Variants in VPS54 observed in about 807,000 individuals in gnomAD.
VPS54 encodes the protein vacuolar protein sorting-associated protein 54.
A neutral mutation model predicts 121.5 loss-of-function variants in VPS54; 45 were observed. That is an observed-to-expected ratio of 0.37 (90% CI 0.29 to 0.47). VPS54 has a LOEUF of 0.47. Among genes scored for constraint, VPS54 ranks in the 20% least tolerant of loss-of-function variants. VPS54 has a pLI of 0.99. For missense variants in VPS54, 1,090 were observed against 1,131.4 expected (o/e 0.96, Z 0.52); for synonymous variants, 371 against 385.8 (o/e 0.96, Z 0.45).
intron 1 of VPS54, among the ~76,000 whole-genome samples, chr2:63,990,462 A>T (rs1410573471): frequency 6.6e-6 from 1 of 150,718 alleles, no homozygotes; most frequent in East Asian, 1.9e-4. Context: ...TCAGCCCCTC[A>T]CTCTCCTGTC....
intron 7 of VPS54, among the ~76,000 whole-genome samples, chr2:63,950,221 C>T (rs1675174702): frequency 6.6e-6 from 1 of 152,174 alleles, no homozygotes. Flanking sequence ...ATGGTCTTCA[C>T]AACTTTTTCT....
Position 64,013,643 on chromosome 2 carries a change from AAT to A in VPS54, c.-21+5293_-21+5294del, listed in dbSNP as rs1157389421. On this transcript the variant is annotated intron_variant, in intron 1 of 22. Transcript: ENST00000272322. ...CAGCATTTATATATAAATATATATCAATATATAGATATATATTGATATATATA... is the reference window on the plus strand; with the variant it reads ...CAGCATTTATATATAAATATATATCAATATAGATATATATTGATATATATA... 8.2e-5 allele frequency among the ~76,000 whole-genome samples: 12 copies of A among 145,598 alleles called. 1 individual carries two copies. The highest frequency in any genetic ancestry group is 4.2e-4 in the Admixed American group (6 of 14,396).
intron 20 of VPS54, among the ~76,000 whole-genome samples, chr2:63,906,590 T>C (rs1256607278): frequency 6.6e-6 from 1 of 152,184 alleles, no homozygotes; most frequent in African/African-American, 2.4e-5. Flanking sequence ...CACTGGTTTG[T>C]AGTATTTGTT....
intron 4 of VPS54, among the ~76,000 whole-genome samples, chr2:63,971,885 C>A (rs1487312481): frequency 1.3e-5 from 2 of 152,186 alleles, no homozygotes; most frequent in Non-Finnish European, 2.9e-5. Flanking sequence ...GGACTACACA[C>A]ATGTGCCATC....
intron 17 of VPS54, chr2:63,913,889 G>GT: frequency 8.8e-7 from 1 of 1,140,484 alleles, no homozygotes. Flanking sequence ...GCCAGTCCAG[G>GT]TTTTTTGACC....
chr2:63,911,092 C>T (rs199539652), intron 20 of VPS54, among the ~76,000 whole-genome samples: 3,015 of 152,056 alleles, frequency 0.02, 30 homozygotes, highest in East Asian at 0.034. Flanking sequence ...AGTCTTCTAA[C>T]CTTGTTAGAT....
rs776341240 is a variant in VPS54 at position 63,921,255 on chromosome 2, G to A, written c.1820C>T (p.Ser607Leu). The change falls in exon 13 of 23, where the codon TCA becomes TTA. Residue 607 changes from serine (S) to leucine (L), a missense_variant. Ser to Leu is a moderately radical substitution (Grantham distance 145). Transcript: ENST00000272322. ...GACAGCTCGATCATGGCATATATCTGAGGCACTATATAATAATTCCTGGAT... is the reference window on the plus strand; with the variant it reads ...GACAGCTCGATCATGGCATATATCTAAGGCACTATATAATAATTCCTGGAT... ...NNIQELLYSA[S>L]DICHDRAVKF... 1 of 1,613,112 alleles carries A rather than the reference G, an allele frequency of 6.2e-7. No homozygotes were observed. Among genetic ancestry groups the A allele is most frequent in the South Asian group, 1.1e-5 (1 of 90,966 alleles).
intron 7 of VPS54, among the ~76,000 whole-genome samples, chr2:63,961,651 T>A (rs1675778581): frequency 6.6e-6 from 1 of 152,220 alleles, no homozygotes; most frequent in South Asian, 2.1e-4. Flanking sequence ...AGACTGCAAA[T>A]CAGAAATGAA....
chr2:63,893,413 A>C lies in VPS54; in HGVS notation c.*17T>G. The stretch of plus-strand genomic sequence containing the variant: ...CATCCCATGGTCAGATGAACTACCC[A>C]GTTTTCCAGGATGACATCACCTCTT... On this transcript the variant is annotated 3_prime_UTR_variant, in exon 23 of 23. Coordinates refer to ENST00000272322, the MANE Select transcript of VPS54 (RefSeq NM_016516.3). 3 of 1,600,656 alleles carry C rather than the reference A, an allele frequency of 1.9e-6. No homozygotes were observed. The highest frequency in any genetic ancestry group is 2.6e-6 in the Non-Finnish European group (3 of 1,167,846).
intron 20 of VPS54, among the ~76,000 whole-genome samples, chr2:63,901,329 T>C (rs1242810238): frequency 2.0e-5 from 3 of 152,052 alleles, no homozygotes; most frequent in African/African-American, 7.2e-5. Flanking sequence ...TGGCAGAGCA[T>C]AAAAAGAAGA....
chr2:63,987,906 C>T (rs1276300138), intron 1 of VPS54, among the ~76,000 whole-genome samples: 2 of 152,148 alleles, frequency 1.3e-5, no homozygotes, highest in Admixed American at 6.6e-5. Context: ...TCTATCACTT[C>T]TAATCATTTT....
At chr2:63,934,246 T>G (rs568044153) in intron 11 of VPS54, among the ~76,000 whole-genome samples, 1 of 152,312 alleles carries the variant, frequency 6.6e-6, no homozygotes, top group Admixed American at 6.5e-5. Flanking sequence ...ATATTTTAAC[T>G]AATTTTTAAA....
At chr2:63,984,158 T>C in intron 1 of VPS54, 139 bp from the exon 2 acceptor site, 1 of 694,646 alleles carries the variant, frequency 1.4e-6, no homozygotes, top group East Asian at 3.0e-5. Context: ...TGCTCTTAAT[T>C]GGGAAAATTG....
chr2:63,958,566 T>C (rs983377615), intron 7 of VPS54, among the ~76,000 whole-genome samples: 9 of 152,136 alleles, frequency 5.9e-5, no homozygotes, highest in African/African-American at 2.2e-4. Context: ...AATTTAAAAA[T>C]TAGCCTGGCG....
intron 12 of VPS54, among the ~76,000 whole-genome samples, chr2:63,929,966 G>T (rs770619180): frequency 3.3e-5 from 5 of 152,142 alleles, no homozygotes; most frequent in Admixed American, 3.3e-4. Context: ...AAACCAGGAA[G>T]AAGTTGAATC....
intron 1 of VPS54, among the ~76,000 whole-genome samples, chr2:64,000,752 G>A (rs1677833712): frequency 6.6e-6 from 1 of 152,168 alleles, no homozygotes; most frequent in Non-Finnish European, 1.5e-5. Flanking sequence ...TCTTTCTGCT[G>A]AGCTGCATGG....
intron 12 of VPS54, among the ~76,000 whole-genome samples, chr2:63,930,204 C>T (rs1217858502): frequency 6.6e-6 from 1 of 151,934 alleles, no homozygotes; most frequent in Non-Finnish European, 1.5e-5. Context: ...GGAAGAGACA[C>T]AACAAAAAAA....
chr2:63,946,805 G>T (rs756835888), intron 9 of VPS54, among the ~76,000 whole-genome samples: 2 of 151,972 alleles, frequency 1.3e-5, no homozygotes, highest in African/African-American at 2.4e-5. Context: ...CTGCTGATGG[G>T]AGTATAAATT....
intron 2 of VPS54, among the ~76,000 whole-genome samples, chr2:63,983,635 G>A (rs1241589532): frequency 2.7e-5 from 4 of 148,856 alleles, no homozygotes; most frequent in Non-Finnish European, 5.9e-5. Context: ...GTAGAGACAG[G>A]GTTTCACCAT....
Sources: allele counts gnomAD v4.1 joint callset (sites outside exome capture counted in the v4.1 genomes callset), GRCh38; gene constraint gnomAD v4.1.1; transcripts MANE v1.5; gene names NCBI Gene and HGNC (gene_info 2026-07-23, HGNC 2026-07-21).